Variants in PTPRT observed in about 807,000 individuals in gnomAD.
The protein encoded by PTPRT is protein tyrosine phosphatase receptor type T.
A neutral mutation model predicts 176.8 loss-of-function variants in PTPRT; 56 were observed. The observed-to-expected ratio is 0.32, with a 90% CI of 0.26 to 0.40. PTPRT has a LOEUF of 0.40. PTPRT is among the 10% of genes least tolerant of loss of function. The pLI is 1.00. For synonymous variants in PTPRT, 783 were observed against 739.0 expected (o/e 1.06, Z -0.96); for missense variants, 1,540 against 1,908.2 (o/e 0.81, Z 3.60).
At chr20:43,000,284 A>C (rs978813235) in intron 1 of PTPRT, among the ~76,000 whole-genome samples, 4 of 152,224 alleles carry the variant, frequency 2.6e-5, no homozygotes, top group African/African-American at 9.6e-5. Flanking sequence ...ATCAAAGAAA[A>C]ATCAACTAGA....
At chr20:42,989,597 C>A (rs1047503972) in intron 1 of PTPRT, among the ~76,000 whole-genome samples, 3 of 152,160 alleles carry the variant, frequency 2.0e-5, no homozygotes, top group African/African-American at 7.2e-5. Flanking sequence ...TACAAAACTC[C>A]ACTGGCTCCC....
chr20:42,484,467 G>C (rs2071435959), intron 7 of PTPRT, among the ~76,000 whole-genome samples: 1 of 152,166 alleles, frequency 6.6e-6, no homozygotes, highest in South Asian at 2.1e-4. Flanking sequence ...TTCGTTGCCT[G>C]TTCCATGTTG....
chr20:42,608,564 T>G (rs2073922211), intron 7 of PTPRT, among the ~76,000 whole-genome samples: 1 of 152,146 alleles, frequency 6.6e-6, no homozygotes, highest in South Asian at 2.1e-4. Flanking sequence ...TTCTCAATAT[T>G]GTCTGGGATA....
At chr20:43,110,061 T>G (rs2012791696) in intron 1 of PTPRT, among the ~76,000 whole-genome samples, 1 of 152,202 alleles carries the variant, frequency 6.6e-6, no homozygotes, top group Non-Finnish European at 1.5e-5. Flanking sequence ...GAAAAATTGT[T>G]TACTTGACTC....
the PTPRT span, among the ~76,000 whole-genome samples, chr20:42,057,261 C>G: frequency 6.6e-6 from 1 of 152,208 alleles, no homozygotes; most frequent in East Asian, 1.9e-4. Flanking sequence ...TGGGAAGGAC[C>G]TGGAACCAGC....
chr20:42,390,591 TACTC>T (rs1182330422), intron 9 of PTPRT, among the ~76,000 whole-genome samples: 1 of 152,210 alleles, frequency 6.6e-6, no homozygotes, highest in Non-Finnish European at 1.5e-5. Flanking sequence ...TTGGCTCACT[TACTC>T]TAGTGAAAGC....
At chr20:42,176,896 G>A (rs182419829) in intron 16 of PTPRT, among the ~76,000 whole-genome samples, 1 of 152,138 alleles carries the variant, frequency 6.6e-6, no homozygotes, top group Non-Finnish European at 1.5e-5. Context: ...GTGGATAAAA[G>A]CTTCCTTTCT....
intron 7 of PTPRT, among the ~76,000 whole-genome samples, chr20:42,544,803 T>C (rs1487336788): frequency 2.0e-5 from 3 of 152,202 alleles, no homozygotes; most frequent in Admixed American, 1.3e-4. Context: ...ACATGGGTCT[T>C]CTTTTTTTAT....
At chr20:42,305,327 G>A (rs1198135614) in intron 12 of PTPRT, among the ~76,000 whole-genome samples, 2 of 151,890 alleles carry the variant, frequency 1.3e-5, no homozygotes, top group East Asian at 3.9e-4. Flanking sequence ...ATCTAGCCTG[G>A]GCAACAGAGT....
Position 43,049,001 on chromosome 20 carries a change from G to A in PTPRT, c.88+140645C>T, listed in dbSNP as rs528770927. ...GAGCAGCAGGGGTGTCAGATGAAGC[G>A]GTCAACACAGATAACCTGACAGCTA... On this transcript the variant is annotated intron_variant, in intron 1 of 30. Transcript: ENST00000373187. Among the ~76,000 whole-genome samples the A allele has an allele frequency of 1.3e-3, 191 of 152,248 alleles. 1 individual carries two copies. Among genetic ancestry groups the A allele is most frequent in the African/African-American group, 4.4e-3 (182 of 41,540 alleles).
intron 1 of PTPRT, among the ~76,000 whole-genome samples, chr20:42,989,056 T>G (rs1329092042): frequency 6.6e-6 from 1 of 152,176 alleles, no homozygotes; most frequent in Non-Finnish European, 1.5e-5. Context: ...CAATAACCAT[T>G]GTGTGAATGA....
intron 12 of PTPRT, 50 bp from the exon 13 acceptor site, chr20:42,282,575 A>C (rs1024193413): frequency 1.5e-5 from 22 of 1,468,246 alleles, no homozygotes; most frequent in Non-Finnish European, 1.9e-5. Context: ...GAGTTATATA[A>C]AATTGTTATA....
intron 9 of PTPRT, among the ~76,000 whole-genome samples, chr20:42,417,456 C>T (rs2059076650): frequency 6.6e-6 from 1 of 151,902 alleles, no homozygotes; most frequent in Non-Finnish European, 1.5e-5. Context: ...AAAGAGGCTA[C>T]CCCTATATTC....
At chr20:42,645,073 C>T (rs192780770) in intron 7 of PTPRT, among the ~76,000 whole-genome samples, 56 of 152,242 alleles carry the variant, frequency 3.7e-4, no homozygotes, top group African/African-American at 1.3e-3. Flanking sequence ...CAATTTGTCA[C>T]GCAGTCTATG....
intron 7 of PTPRT, among the ~76,000 whole-genome samples, chr20:42,481,234 T>C (rs1350782414): frequency 2.0e-5 from 3 of 152,098 alleles, no homozygotes; most frequent in Non-Finnish European, 4.4e-5. Context: ...CTTACTCTTG[T>C]TATGGAGGTA....
At chr20:43,154,262 T>C (rs1242881654) in intron 1 of PTPRT, among the ~76,000 whole-genome samples, 6 of 152,234 alleles carry the variant, frequency 3.9e-5, no homozygotes, top group Non-Finnish European at 8.8e-5. Context: ...CCGAATACCA[T>C]TTACTGGCAA....
intron 1 of PTPRT, among the ~76,000 whole-genome samples, chr20:43,181,095 C>T (rs913959027): frequency 2.0e-5 from 3 of 152,146 alleles, no homozygotes; most frequent in Non-Finnish European, 2.9e-5. Flanking sequence ...AGGAACTGAG[C>T]GTGGCCTCTA....
chr20:42,862,785 G>A (rs188733142), intron 2 of PTPRT, among the ~76,000 whole-genome samples: 4 of 152,072 alleles, frequency 2.6e-5, no homozygotes, highest in Non-Finnish European at 4.4e-5. Context: ...AGCCCATATC[G>A]GCTGGGTTTA....
chr20:42,206,373 G>C (rs902380334), intron 15 of PTPRT, among the ~76,000 whole-genome samples: 1 of 152,196 alleles, frequency 6.6e-6, no homozygotes, highest in Admixed American at 6.5e-5. Flanking sequence ...TGAGGTACCG[G>C]GTTCATCTCA....
Sources: allele counts gnomAD v4.1 joint callset (sites outside exome capture counted in the v4.1 genomes callset), GRCh38; gene constraint gnomAD v4.1.1; transcripts MANE v1.5; gene names NCBI Gene and HGNC (gene_info 2026-07-23, HGNC 2026-07-21).